Variants in PSTPIP2 observed in about 807,000 individuals in gnomAD.
PSTPIP2 encodes proline-serine-threonine phosphatase interacting protein 2, also known as proline-serine-threonine phosphatase-interacting protein 2.
PSTPIP2 carries 33 observed loss-of-function variants against 63.3 expected under a neutral mutation model. The observed-to-expected ratio is 0.52, with a 90% CI of 0.40 to 0.70. The LOEUF (loss-of-function observed/expected upper bound fraction) is 0.70, where lower values mean the gene tolerates loss of function less well. PSTPIP2 is among the 30% of genes least tolerant of loss of function. PSTPIP2 has a pLI of 0.00. For synonymous variants in PSTPIP2, 125 were observed against 132.7 expected (o/e 0.94, Z 0.40); for missense variants, 312 against 400.7 (o/e 0.78, Z 1.89).
chr18:46,006,669 C>T (rs1369034106), intron 5 of PSTPIP2, among the ~76,000 whole-genome samples: 6 of 152,118 alleles, frequency 3.9e-5, no homozygotes, highest in African/African-American at 7.2e-5. Flanking sequence ...CCACCGCGCC[C>T]GGCCTCCCTG....
intron 7 of PSTPIP2, among the ~76,000 whole-genome samples, 194 bp downstream of exon 7, chr18:45,999,242 A>T (rs1158155610): frequency 6.6e-6 from 1 of 152,072 alleles, no homozygotes; most frequent in African/African-American, 2.4e-5. Context: ...CCTCATAGCC[A>T]TGCTTCTGTC....
chr18:46,053,308 C>A (rs751491319), intron 1 of PSTPIP2, among the ~76,000 whole-genome samples: 6 of 152,066 alleles, frequency 3.9e-5, no homozygotes, highest in Non-Finnish European at 5.9e-5. Flanking sequence ...TGAGGCCAGC[C>A]CAAGTTCAGT....
In PSTPIP2 at chr18:46,024,640, T is replaced by C; in HGVS notation, c.181A>G (p.Arg61Gly). Residue 61 changes from arginine to glycine, a missense_variant, in exon 3 of 15, where the codon AGG (arginine) becomes GGG (glycine). By Grantham distance (125) the Arg-to-Gly change is moderately radical. Transcript: ENST00000409746. Reference sequence around the variant, plus strand: ...TCAGACTGTCCACACGGCTTCTTCCTAGAGAGGTTGAGCAGATCTTTGCCA... The same window carrying C: ...TCAGACTGTCCACACGGCTTCTTCCCAGAGAGGTTGAGCAGATCTTTGCCA... ...RYGKDLLNLS[R>G]KKPCGQSEIN... is the part of the protein sequence containing the mutation. 4 of 1,614,172 alleles carry C rather than the reference T, an allele frequency of 2.5e-6. No homozygotes were observed. The highest frequency in any genetic ancestry group is 3.4e-6 in the Non-Finnish European group (4 of 1,179,996).
At chr18:46,024,796 A>C in intron 2 of PSTPIP2, 110 bp from the exon 3 acceptor site, 2 of 785,876 alleles carry the variant, frequency 2.5e-6, no homozygotes, top group Non-Finnish European at 2.2e-6. Context: ...ATAGAAGCTC[A>C]GATACAACAC....
chr18:46,064,543 AC>A (rs1301100953), intron 1 of PSTPIP2, among the ~76,000 whole-genome samples: 21 of 138,458 alleles, frequency 1.5e-4, no homozygotes, highest in African/African-American at 5.2e-4. Context: ...CAGGTGATTC[AC>A]CCGCCTGGGC....
At chr18:46,004,839 C>T (rs1275606772) in intron 6 of PSTPIP2, among the ~76,000 whole-genome samples, 1 of 152,128 alleles carries the variant, frequency 6.6e-6, no homozygotes, top group African/African-American at 2.4e-5. Context: ...TACCATTTGA[C>T]CCAGCAATCC....
chr18:46,029,765 A>C, intron 2 of PSTPIP2: 1 of 557,334 alleles, frequency 1.8e-6, no homozygotes. Flanking sequence ...ACTATTTCTC[A>C]TGTTTACGCC....
intron 1 of PSTPIP2, among the ~76,000 whole-genome samples, chr18:46,041,590 A>G (rs1047721782): frequency 1.3e-5 from 2 of 152,128 alleles, no homozygotes; most frequent in Non-Finnish European, 2.9e-5. Context: ...GTGCTCTCCA[A>G]GGTTGGAGGG....
intron 1 of PSTPIP2, among the ~76,000 whole-genome samples, chr18:46,047,393 T>A (rs1908420273): frequency 6.6e-6 from 1 of 152,150 alleles, no homozygotes; most frequent in Non-Finnish European, 1.5e-5. Context: ...GCCAGCACAG[T>A]GAAACCTCGT....
chr18:45,998,960 T>C (rs768118615), intron 7 of PSTPIP2, 121 bp from the exon 8 acceptor site: 2 of 983,918 alleles, frequency 2.0e-6, no homozygotes, highest in Non-Finnish European at 1.5e-6. Flanking sequence ...GTGCAAGTCC[T>C]GTGTACATTT....
At position 46,072,223 on chromosome 18, in the gene PSTPIP2, C is replaced by A. The variant is rs1386388772; in HGVS notation, c.-35G>T. On this transcript the variant is annotated 5_prime_UTR_variant, in exon 1 of 15. Transcript: ENST00000409746. Reference sequence around the variant, plus strand: ...AGTGGGGGCGCGGAGGAGAGCCGGGCCGCAGGTAGCACAGAGCGGGGAGGC... The same window carrying A: ...AGTGGGGGCGCGGAGGAGAGCCGGGACGCAGGTAGCACAGAGCGGGGAGGC... 2.6e-6 allele frequency: 4 copies of A among 1,530,258 alleles called. No individual in the cohort carries two copies. The Admixed American group carries it at 8.2e-5, about 31-fold the overall frequency. 94.8% of individuals were successfully genotyped at this position (1,530,258 alleles called of 1,614,324 possible). A position where few individuals can be genotyped will look rare whatever the true frequency, so the allele number is the denominator to read the frequency against.
chr18:46,066,288 C>A (rs1358726957), intron 1 of PSTPIP2, among the ~76,000 whole-genome samples: 1 of 152,162 alleles, frequency 6.6e-6, no homozygotes, highest in Non-Finnish European at 1.5e-5. Context: ...GATCGCACCA[C>A]TGCACTCTAG....
intron 3 of PSTPIP2, among the ~76,000 whole-genome samples, chr18:46,022,188 T>C (rs1381394198): frequency 6.6e-6 from 1 of 152,146 alleles, no homozygotes; most frequent in Non-Finnish European, 1.5e-5. Context: ...GATTTTTAGG[T>C]TTATATAACT....
At chr18:46,057,222 C>T (rs984398526) in intron 1 of PSTPIP2, among the ~76,000 whole-genome samples, 12 of 152,242 alleles carry the variant, frequency 7.9e-5, no homozygotes, top group African/African-American at 2.9e-4. Flanking sequence ...CCCTCCCTCC[C>T]TCCACAGGGG....
In PSTPIP2 at chr18:45,988,699, T is replaced by C. The variant is rs1340822067; in HGVS notation, c.*8+3A>G. Reference sequence around the variant, plus strand: ...CAATTATGTGAAAAATAAAGGTTCTTACCATTGATTTTACTGATAGAGCAA... The same window carrying C: ...CAATTATGTGAAAAATAAAGGTTCTCACCATTGATTTTACTGATAGAGCAA... On this transcript the variant is annotated splice_donor_region_variant and intron_variant, in intron 14 of 14. Coordinates refer to ENST00000409746, the MANE Select transcript of PSTPIP2 (RefSeq NM_024430.4). The C allele has an allele frequency of 1.9e-6, 3 of 1,538,558 alleles. No individual in the cohort carries two copies. Among genetic ancestry groups the C allele is most frequent in the Non-Finnish European group, 2.7e-6 (3 of 1,111,456 alleles).
chr18:46,029,481 T>A (rs1907712144), intron 2 of PSTPIP2: 2 of 1,015,612 alleles, frequency 2.0e-6, no homozygotes, highest in South Asian at 2.5e-5. Context: ...TAAGGCAGTT[T>A]ATATGGATTA....
chr18:45,987,953 A>G (rs1230575925), intron 14 of PSTPIP2, among the ~76,000 whole-genome samples: 1 of 152,196 alleles, frequency 6.6e-6, no homozygotes, highest in Non-Finnish European at 1.5e-5. Flanking sequence ...GACCTCCATG[A>G]TGACCTTGTG....
intron 5 of PSTPIP2, among the ~76,000 whole-genome samples, chr18:46,009,874 G>A (rs2051776357): frequency 6.6e-6 from 1 of 152,152 alleles, no homozygotes; most frequent in African/African-American, 2.4e-5. Flanking sequence ...ACCATCCAAT[G>A]GGTTTAATAC....
chr18:46,032,948 C>T lies in PSTPIP2; in HGVS notation c.134+6999G>A, dbSNP rs72920424. Among the ~76,000 whole-genome samples the T allele has an allele frequency of 7.2e-4, 109 of 152,266 alleles. 1 individual carries two copies. Among genetic ancestry groups the T allele is most frequent in the East Asian group, 2.7e-3 (14 of 5,190 alleles). On this transcript the variant is annotated intron_variant, in intron 2 of 14. Coordinates refer to ENST00000409746, the MANE Select transcript of PSTPIP2 (RefSeq NM_024430.4). ...AGATGAAATCCTTTTGCCATAAAAC[C>T]TAACACTTAAATATTTTGCTCAATT...
Sources: gnomAD v4.1 joint callset for allele counts (sites outside exome capture counted in the v4.1 genomes callset) on GRCh38, gnomAD v4.1.1 for gene constraint, MANE v1.5 for transcripts, NCBI Gene and HGNC (gene_info 2026-07-23, HGNC 2026-07-21) for gene names.